Variants in TRPM3 observed in about 807,000 individuals in gnomAD.
TRPM3 encodes the protein long transient receptor potential channel 3.
In TRPM3, 77 loss-of-function variants were observed where a neutral mutation model predicts 181.2. The observed-to-expected ratio is 0.42, with a 90% CI of 0.35 to 0.51. The LOEUF (loss-of-function observed/expected upper bound fraction) is 0.51. Among genes scored for constraint, TRPM3 ranks in the 20% least tolerant of loss-of-function variants. The pLI, the probability that TRPM3 is intolerant of heterozygous loss-of-function variation, is 0.01. For synonymous variants in TRPM3, 745 were observed against 796.4 expected (o/e 0.94, Z 1.09); for missense variants, 1,759 against 2,196.7 (o/e 0.80, Z 3.98).
At chr9:70,759,588 G>T (rs1205156550) in intron 8 of TRPM3, among the ~76,000 whole-genome samples, 1 of 152,260 alleles carries the variant, frequency 6.6e-6, no homozygotes, top group African/African-American at 2.4e-5. Flanking sequence ...CAACCCAAAT[G>T]CCCATCAGTG....
intron 11 of TRPM3, 155 bp downstream of exon 11, chr9:70,638,905 G>T: frequency 1.2e-6 from 1 of 851,624 alleles, no homozygotes; most frequent in Non-Finnish European, 1.7e-6. Flanking sequence ...GTGACTTGGT[G>T]TTTGTCATCT....
intron 6 of TRPM3, among the ~76,000 whole-genome samples, chr9:70,795,246 G>A (rs565118267): frequency 7.7e-4 from 118 of 152,284 alleles, no homozygotes; most frequent in African/African-American, 2.8e-3. Context: ...AATACACAGA[G>A]TAGGTATATA....
chr9:70,854,385 C>T lies in TRPM3; in HGVS notation c.463-7794G>A, dbSNP rs149489903. ...TGTTGTTAAACAGGGGTGATCCTGACGACCTCACAGGACACTGTGTGGATT... is the reference window on the plus strand; with the variant it reads ...TGTTGTTAAACAGGGGTGATCCTGATGACCTCACAGGACACTGTGTGGATT... On this transcript the variant is annotated intron_variant, in intron 3 of 25. Transcript: ENST00000677713. Among the ~76,000 whole-genome samples, 17 of 152,274 alleles carry T rather than the reference C, an allele frequency of 1.1e-4. No homozygotes were observed. The East Asian group carries it at 1.9e-3, about 17-fold the overall frequency.
chr9:71,312,008 G>T (rs1015857011), intron 1 of TRPM3, among the ~76,000 whole-genome samples: 4 of 152,086 alleles, frequency 2.6e-5, no homozygotes, highest in Non-Finnish European at 2.9e-5. Context: ...CTTGGGTATG[G>T]TGGTGACCTT....
chr9:70,808,053 G>A (rs776290376), intron 6 of TRPM3, among the ~76,000 whole-genome samples: 33 of 152,194 alleles, frequency 2.2e-4, no homozygotes, highest in African/African-American at 7.0e-4. Flanking sequence ...TGGGACATAC[G>A]ATCTACATGG....
At chr9:70,683,716 A>G (rs993855460) in intron 8 of TRPM3, among the ~76,000 whole-genome samples, 2 of 152,046 alleles carry the variant, frequency 1.3e-5, no homozygotes, top group Non-Finnish European at 2.9e-5. Flanking sequence ...CTGCATAACT[A>G]CAGGTTTGGC....
chr9:70,912,469 T>A (rs901889505), intron 1 of TRPM3, among the ~76,000 whole-genome samples: 1 of 152,202 alleles, frequency 6.6e-6, no homozygotes, highest in East Asian at 1.9e-4. Context: ...CTTGTTAAAG[T>A]GAGGTAAGCA....
At chr9:71,246,647 C>A (rs994619828) in intron 1 of TRPM3, among the ~76,000 whole-genome samples, 3 of 152,210 alleles carry the variant, frequency 2.0e-5, no homozygotes, top group African/African-American at 7.2e-5. Context: ...AATTAACTGG[C>A]ATTCGCATAC....
rs1169901529 is a variant in TRPM3, at chr9:70,655,305, C to CAAAAAAAAAAAAAA, written c.1346-14659_1346-14646dup. ...TGGGCGAAAGAGTGAGACTCCGTCT[C>CAAAAAAAAAAAAAA]AAAAAAAAAAAAAAAAAAAAAAAAA... On this transcript the variant is annotated intron_variant, in intron 9 of 25. Coordinates refer to ENST00000677713, the MANE Select transcript of TRPM3 (RefSeq NM_001366145.2). Among the ~76,000 whole-genome samples the CAAAAAAAAAAAAAA allele has an allele frequency of 2.8e-3, 94 of 33,130 alleles. 1 individual carries two copies. The highest frequency in any genetic ancestry group is 5.9e-3 in the East Asian group (5 of 852). 21.7% of individuals were successfully genotyped at this position (33,130 alleles called of 152,430 possible).
At chr9:71,400,211 T>C (rs891195496) in intron 1 of TRPM3, among the ~76,000 whole-genome samples, 3 of 152,160 alleles carry the variant, frequency 2.0e-5, no homozygotes, top group African/African-American at 7.2e-5. Flanking sequence ...TCCACGCACC[T>C]CAGTCTCCTA....
At chr9:70,950,335 A>G (rs556005823) in intron 1 of TRPM3, among the ~76,000 whole-genome samples, 1 of 152,352 alleles carries the variant, frequency 6.6e-6, no homozygotes, top group African/African-American at 2.4e-5. Flanking sequence ...TCAAAAGCTC[A>G]TGATGGTATT....
rs746744941 is a variant in TRPM3, at chr9:70,761,536, TTG to T, written c.1272+63_1272+64del. 4 of 1,609,892 alleles carry T rather than the reference TTG, an allele frequency of 2.5e-6. No individual in the cohort carries two copies. In the African/African-American group the frequency reaches 4.0e-5, roughly 16 times the overall value. On this transcript the variant is annotated intron_variant, in intron 8 of 25. Coordinates refer to ENST00000677713, the MANE Select transcript of TRPM3 (RefSeq NM_001366145.2). ...GAATGTTGCATGATTTGAGAAAATGTTGTGTGATTCAAGAAAATGACTGAAAA... is the reference window on the plus strand; with the variant it reads ...GAATGTTGCATGATTTGAGAAAATGTTGTGATTCAAGAAAATGACTGAAAA...
intron 1 of TRPM3, among the ~76,000 whole-genome samples, chr9:70,891,032 GA>G (rs1338547861): frequency 7.2e-5 from 11 of 152,112 alleles, no homozygotes; most frequent in East Asian, 1.9e-4. Flanking sequence ...GGGGTGGGGA[GA>G]GGGGGGAGGG....
chr9:70,600,770 G>A (rs1394472428), intron 20 of TRPM3, among the ~76,000 whole-genome samples: 1 of 152,182 alleles, frequency 6.6e-6, no homozygotes, highest in Non-Finnish European at 1.5e-5. Context: ...GCAAAAATCC[G>A]TGTATGTAGC....
At chr9:71,277,019 A>G (rs2132164514) in intron 1 of TRPM3, among the ~76,000 whole-genome samples, 1 of 152,364 alleles carries the variant, frequency 6.6e-6, no homozygotes, top group East Asian at 1.9e-4. Flanking sequence ...ACAAAACTAT[A>G]ATGATAAATG....
At chr9:71,047,646 T>C (rs1208469320) in intron 1 of TRPM3, among the ~76,000 whole-genome samples, 2 of 152,188 alleles carry the variant, frequency 1.3e-5, no homozygotes, top group East Asian at 1.9e-4. Context: ...CTTGACATGA[T>C]TGGATCTACT....
At chr9:71,037,537 G>A (rs76019561) in intron 1 of TRPM3, among the ~76,000 whole-genome samples, 14 of 152,332 alleles carry the variant, frequency 9.2e-5, no homozygotes, top group East Asian at 3.9e-4. Context: ...GCACACATGC[G>A]TGTGCGCATC....
intron 1 of TRPM3, among the ~76,000 whole-genome samples, chr9:71,394,044 A>T (rs2093130864): frequency 6.6e-6 from 1 of 152,192 alleles, no homozygotes; most frequent in East Asian, 1.9e-4. Flanking sequence ...AGATCCACTG[A>T]TTTCATTAGA....
At position 71,089,771 on chromosome 9, in the gene TRPM3, C is replaced by T. The variant is rs540702216; in HGVS notation, c.177+31407G>A. Among the ~76,000 whole-genome samples, 82 of 152,142 alleles carry T rather than the reference C, an allele frequency of 5.4e-4. 1 individual carries two copies. Among genetic ancestry groups the T allele is most frequent in the South Asian group, 1.7e-3 (8 of 4,822 alleles). Reference sequence around the variant, plus strand: ...GTGTCTCGTGAGGAAGGCCACTCAGCGGATGTCCTGAGCATCCTAGTGTTT... The same window carrying T: ...GTGTCTCGTGAGGAAGGCCACTCAGTGGATGTCCTGAGCATCCTAGTGTTT... On this transcript the variant is annotated intron_variant, in intron 1 of 25. Transcript: ENST00000677713.
Sources: allele counts gnomAD v4.1 joint callset (sites outside exome capture counted in the v4.1 genomes callset), GRCh38; gene constraint gnomAD v4.1.1; transcripts MANE v1.5; gene names NCBI Gene and HGNC (gene_info 2026-07-23, HGNC 2026-07-21).